SYT17: variants seen among roughly 807,000 people sequenced by gnomAD.
SYT17 encodes the protein synaptotagmin-17.
SYT17 carries 22 observed loss-of-function variants against 46.7 expected under a neutral mutation model. The observed-to-expected ratio is 0.47, with a 90% CI of 0.34 to 0.67. The LOEUF is 0.67. Among genes scored for constraint, SYT17 ranks in the 30% least tolerant of loss-of-function variants. The probability of loss-of-function intolerance (pLI) is 0.01; values close to 1 mark genes in which losing one functional copy is unlikely to be tolerated. For synonymous variants in SYT17, 251 were observed against 248.4 expected (o/e 1.01, Z -0.10); for missense variants, 519 against 612.8 (o/e 0.85, Z 1.62).
In SYT17 at chr16:19,216,380, C is replaced by CT. The variant is rs5816039; in HGVS notation, c.952-6650dup. On this transcript the variant is annotated intron_variant, in intron 5 of 7. Coordinates refer to ENST00000355377, the MANE Select transcript of SYT17 (RefSeq NM_016524.4). Reference sequence around the variant, plus strand: ...TAATACTTGAGCCCTACAATTATTTCTTTTTTTTTTTTTTTATTATACTTT... The same window carrying CT: ...TAATACTTGAGCCCTACAATTATTTCTTTTTTTTTTTTTTTTATTATACTTT... 2.0e-3 allele frequency among the ~76,000 whole-genome samples: 281 copies of CT among 141,592 alleles called. 4 individuals are homozygous for CT. The East Asian group carries it at 0.025, about 13-fold the overall frequency. 92.9% of individuals were successfully genotyped at this position (141,592 alleles called of 152,430 possible). A position where few individuals can be genotyped will look rare whatever the true frequency, so the allele number is the denominator to read the frequency against.
At chr16:19,238,953 C>A (rs1242453746) in intron 7 of SYT17, among the ~76,000 whole-genome samples, 1 of 152,218 alleles carries the variant, frequency 6.6e-6, no homozygotes, top group African/African-American at 2.4e-5. Flanking sequence ...CAACCCAGAG[C>A]TGCCAGTCAG....
chr16:19,212,986 A>G (rs1235645080), intron 5 of SYT17, among the ~76,000 whole-genome samples: 1 of 152,228 alleles, frequency 6.6e-6, no homozygotes, highest in East Asian at 1.9e-4. Flanking sequence ...GGGACTGAAG[A>G]CAGACTCAGT....
chr16:19,261,586 T>G (rs2269793), intron 7 of SYT17, among the ~76,000 whole-genome samples: 40,306 of 152,162 alleles, frequency 0.26, 8,228 homozygotes, highest in African/African-American at 0.55. Context: ...ATATGTACTT[T>G]CTGTAAGAAG....
chr16:19,241,838 T>A (rs1967154062), intron 7 of SYT17, among the ~76,000 whole-genome samples: 1 of 152,116 alleles, frequency 6.6e-6, no homozygotes, highest in African/African-American at 2.4e-5. Context: ...GACAGCACAG[T>A]TGGCTGCCTT....
At chr16:19,199,718 C>T (rs771012325) in intron 5 of SYT17, among the ~76,000 whole-genome samples, 16 of 151,518 alleles carry the variant, frequency 1.1e-4, no homozygotes, top group Non-Finnish European at 2.1e-4. Context: ...ACCTGAGTGA[C>T]AGAGCAAGAC....
intron 5 of SYT17, among the ~76,000 whole-genome samples, chr16:19,207,986 C>A (rs13333337): frequency 0.035 from 5,310 of 152,196 alleles, 307 homozygotes; most frequent in African/African-American, 0.12. Context: ...TGGTCAGGAA[C>A]TGATGAATGG....
At chr16:19,250,407 GGA>G (rs1967971315) in intron 7 of SYT17, among the ~76,000 whole-genome samples, 2 of 146,630 alleles carry the variant, frequency 1.4e-5, no homozygotes, top group South Asian at 4.4e-4. Flanking sequence ...GTGTGTGTTT[GGA>G]GACAGGGTCT....
At chr16:19,245,784 AGAGG>A (rs1421680775) in intron 7 of SYT17, among the ~76,000 whole-genome samples, 1 of 152,194 alleles carries the variant, frequency 6.6e-6, no homozygotes, top group African/African-American at 2.4e-5. Context: ...GCCCAGCTTG[AGAGG>A]GAGCGGGGAG....
At chr16:19,257,990 C>T (rs911856891) in intron 7 of SYT17, among the ~76,000 whole-genome samples, 1 of 151,704 alleles carries the variant, frequency 6.6e-6, no homozygotes, top group Non-Finnish European at 1.5e-5. Context: ...GTGTTTATTA[C>T]ACCCACATTC....
chr16:19,170,355 AGGGCTGTAGCAAAACAGGCTGCG>A (rs897055785), intron 1 of SYT17: 1 of 152,030 alleles, frequency 6.6e-6, no homozygotes, highest in Non-Finnish European at 1.5e-5. Context: ...TCTTAGCTCA[AGGGCTGTAGCAAAACAGGCTGCG>A]GGGCTGGTTT....
intron 7 of SYT17, among the ~76,000 whole-genome samples, chr16:19,258,043 A>T (rs1442842911): frequency 6.6e-6 from 1 of 152,014 alleles, no homozygotes; most frequent in East Asian, 1.9e-4. Flanking sequence ...GCCTTGGCAA[A>T]CTAAATTAGC....
chr16:19,175,465 G>A (rs1964276090), intron 3 of SYT17, among the ~76,000 whole-genome samples: 2 of 151,944 alleles, frequency 1.3e-5, no homozygotes, highest in African/African-American at 4.8e-5. Context: ...ACCAGCCTGG[G>A]CAACACGATG....
In SYT17 at chr16:19,249,352, C is replaced by T. The variant is rs187365449; in HGVS notation, c.1229-17528C>T. On this transcript the variant is annotated intron_variant, in intron 7 of 7. Transcript: ENST00000355377. ...GAAGAAAGCAGCAGGCAAGGTACTACTACCTGTGTCCAGCCAACTTGAGCC... is the reference window on the plus strand; with the variant it reads ...GAAGAAAGCAGCAGGCAAGGTACTATTACCTGTGTCCAGCCAACTTGAGCC... Among the ~76,000 whole-genome samples the T allele has an allele frequency of 2.8e-3, 429 of 152,082 alleles. 1 individual carries two copies. Among genetic ancestry groups the T allele is most frequent in the African/African-American group, 9.7e-3 (403 of 41,518 alleles).
chr16:19,205,567 G>T (rs1482462114), intron 5 of SYT17, among the ~76,000 whole-genome samples: 1 of 151,990 alleles, frequency 6.6e-6, no homozygotes, highest in African/African-American at 2.4e-5. Context: ...AGCCTCCTGA[G>T]TATCTGGGAC....
At chr16:19,232,962 C>T (rs532482449) in intron 7 of SYT17, among the ~76,000 whole-genome samples, 5 of 152,298 alleles carry the variant, frequency 3.3e-5, no homozygotes, top group African/African-American at 1.2e-4. Flanking sequence ...AACTCTGATG[C>T]CCCGTTCCCA....
chr16:19,228,355 G>A (rs1040773829), intron 7 of SYT17, among the ~76,000 whole-genome samples: 4 of 152,050 alleles, frequency 2.6e-5, no homozygotes, highest in Admixed American at 2.6e-4. Flanking sequence ...GTAAGTTTTG[G>A]GGCCCTGACT....
intron 5 of SYT17, among the ~76,000 whole-genome samples, chr16:19,188,528 A>AG (rs1404077093): frequency 1.3e-5 from 2 of 151,372 alleles, no homozygotes; most frequent in African/African-American, 4.8e-5. Flanking sequence ...AAAAAAAAAA[A>AG]AAAAAAAAAA....
At chr16:19,230,115 A>G (rs1966626926) in intron 7 of SYT17, among the ~76,000 whole-genome samples, 2 of 152,128 alleles carry the variant, frequency 1.3e-5, no homozygotes, top group African/African-American at 4.8e-5. Context: ...GAAGATAAGA[A>G]AAGTTCTGGA....
At position 19,180,445 on chromosome 16, in the gene SYT17, A is replaced by G; in HGVS notation, c.237A>G (p.Glu79=). 2.5e-6 allele frequency: 4 copies of G among 1,614,196 alleles called. No individual in the cohort carries two copies. Among genetic ancestry groups the G allele is most frequent in the Non-Finnish European group, 3.4e-6 (4 of 1,180,024 alleles). Residue 79 remains glutamate, a synonymous_variant, in exon 4 of 8, where the codon GAA becomes GAG. Coordinates refer to ENST00000355377, the MANE Select transcript of SYT17 (RefSeq NM_016524.4). The part of the protein sequence containing the change: ...KDGDSVHTAS[E]VPLTPRTNSP... ...GTGACTCTGTCCACACGGCCAGCGA[A>G]GTCCCGCTGACCCCACGGACCAATT...
Sources: gnomAD v4.1 joint callset for allele counts (sites outside exome capture counted in the v4.1 genomes callset) on GRCh38, gnomAD v4.1.1 for gene constraint, MANE v1.5 for transcripts, NCBI Gene and HGNC (gene_info 2026-07-23, HGNC 2026-07-21) for gene names.